NLGN1: variants seen among roughly 807,000 people sequenced by gnomAD.
NLGN1 encodes neuroligin-1.
In NLGN1, 12 loss-of-function variants were observed where a neutral mutation model predicts 65.5. The observed-to-expected ratio is 0.18, with a 90% CI of 0.12 to 0.30. NLGN1 has a LOEUF of 0.30. Among genes scored for constraint, NLGN1 ranks in the 10% least tolerant of loss-of-function variants. NLGN1 has a pLI of 1.00. For missense variants in NLGN1, 750 were observed against 1,007.1 expected (o/e 0.74, Z 3.46); for synonymous variants, 350 against 359.5 (o/e 0.97, Z 0.30).
At chr3:173,747,801 CTTTTTTTTTTTT>C (rs749749824) in intron 3 of NLGN1, among the ~76,000 whole-genome samples, 8 of 64,426 alleles carry the variant, frequency 1.2e-4, no homozygotes, top group South Asian at 5.2e-4. Flanking sequence ...TCTTCTTGTT[CTTTTTTTTTTTT>C]TTTTTTTTTT....
chr3:173,845,048 T>C (rs915399849), intron 4 of NLGN1, among the ~76,000 whole-genome samples: 13 of 152,220 alleles, frequency 8.5e-5, no homozygotes, highest in African/African-American at 2.2e-4. Flanking sequence ...GACCACTGGA[T>C]TAGGTGAAAA....
chr3:173,438,460 T>C (rs191349440), intron 2 of NLGN1, among the ~76,000 whole-genome samples: 101 of 152,260 alleles, frequency 6.6e-4, no homozygotes, highest in African/African-American at 2.1e-3. Flanking sequence ...TGATCCAGAA[T>C]TTCTTCCCTG....
Position 173,633,574 on chromosome 3 carries a change from T to C in NLGN1, c.493+28483T>C, listed in dbSNP as rs115624534. On this transcript the variant is annotated intron_variant, in intron 3 of 6. Transcript: ENST00000457714. ...CCCTATGGAAAGAACCTCAGAAATATCTAATTCAAACATTTTACCATAGCA... is the reference window on the plus strand; with the variant it reads ...CCCTATGGAAAGAACCTCAGAAATACCTAATTCAAACATTTTACCATAGCA... Among the ~76,000 whole-genome samples the C allele has an allele frequency of 6.4e-3, 970 of 152,244 alleles. 14 individuals carry two copies. The highest frequency in any genetic ancestry group is 0.022 in the African/African-American group (924 of 41,556).
At chr3:174,050,862 G>T (rs1305342208) in intron 4 of NLGN1, among the ~76,000 whole-genome samples, 1 of 152,022 alleles carries the variant, frequency 6.6e-6, no homozygotes, top group Non-Finnish European at 1.5e-5. Flanking sequence ...TTCTCTGAGG[G>T]CAAGAAGTAT....
chr3:173,914,312 G>A (rs1740275181), intron 4 of NLGN1, among the ~76,000 whole-genome samples: 1 of 152,082 alleles, frequency 6.6e-6, no homozygotes, highest in South Asian at 2.1e-4. Flanking sequence ...CTTCTTCAAA[G>A]GGTTTAGGCT....
chr3:174,270,295 T>C (rs1471898166), intron 4 of NLGN1, among the ~76,000 whole-genome samples: 1 of 151,542 alleles, frequency 6.6e-6, no homozygotes, highest in Non-Finnish European at 1.5e-5. Flanking sequence ...TAGTTTTGGG[T>C]TTTTTCATTT....
intron 3 of NLGN1, among the ~76,000 whole-genome samples, chr3:173,708,889 T>A (rs1249196550): frequency 6.6e-6 from 1 of 152,242 alleles, no homozygotes; most frequent in Non-Finnish European, 1.5e-5. Context: ...AAAGTAAAGC[T>A]GTATTTTAAA....
chr3:174,179,058 A>G (rs1729935126), intron 4 of NLGN1, among the ~76,000 whole-genome samples: 1 of 152,128 alleles, frequency 6.6e-6, no homozygotes, highest in Non-Finnish European at 1.5e-5. Flanking sequence ...TGATAATCAT[A>G]TTGATGAGCC....
chr3:173,613,314 A>T (rs1376800588), intron 3 of NLGN1, among the ~76,000 whole-genome samples: 2 of 151,912 alleles, frequency 1.3e-5, no homozygotes, highest in African/African-American at 4.8e-5. Flanking sequence ...GAGTACTGAG[A>T]CTCCTATTCA....
At chr3:174,217,768 A>G (rs1228393678) in intron 4 of NLGN1, among the ~76,000 whole-genome samples, 1 of 151,944 alleles carries the variant, frequency 6.6e-6, no homozygotes, top group Non-Finnish European at 1.5e-5. Flanking sequence ...GGGTGAAGGC[A>G]CCTAGAATGA....
At chr3:174,089,685 T>G (rs1371743753) in intron 4 of NLGN1, among the ~76,000 whole-genome samples, 2 of 152,146 alleles carry the variant, frequency 1.3e-5, no homozygotes, top group Non-Finnish European at 2.9e-5. Flanking sequence ...AGACTTCTAT[T>G]CTTATTATGA....
intron 2 of NLGN1, among the ~76,000 whole-genome samples, chr3:173,481,187 A>G (rs1022339787): frequency 1.9e-4 from 29 of 152,026 alleles, no homozygotes; most frequent in African/African-American, 6.8e-4. Flanking sequence ...TTTTAGAGAG[A>G]TTATTTACAC....
chr3:173,820,542 C>G (rs1354084862), intron 4 of NLGN1, among the ~76,000 whole-genome samples: 1 of 152,056 alleles, frequency 6.6e-6, no homozygotes, highest in Non-Finnish European at 1.5e-5. Flanking sequence ...TAGTACAGAA[C>G]CTTAAGTAAA....
rs538860955 is a variant in NLGN1 at position 173,598,491 on chromosome 3, G to A, written c.-320-5788G>A. Among the ~76,000 whole-genome samples, 88 of 152,200 alleles carry A rather than the reference G, an allele frequency of 5.8e-4. 1 individual carries two copies. Among genetic ancestry groups the A allele is most frequent in the Admixed American group, 4.7e-3 (71 of 15,264 alleles). ...GAGATCTCTGCCCCAAAATACCACC[G>A]GTTTAATTTTCTTGTGAATGAATTT... On this transcript the variant is annotated intron_variant, in intron 2 of 6. Coordinates refer to ENST00000457714, the Ensembl canonical transcript of NLGN1.
At chr3:173,972,863 C>T (rs1173759199) in intron 4 of NLGN1, among the ~76,000 whole-genome samples, 1 of 152,126 alleles carries the variant, frequency 6.6e-6, no homozygotes, top group Non-Finnish European at 1.5e-5. Flanking sequence ...CTCAACCAGA[C>T]TTCCTGAATC....
chr3:174,275,774 A>ACTCTT (rs1561454202), intron 5 of NLGN1, among the ~76,000 whole-genome samples: 1 of 151,750 alleles, frequency 6.6e-6, no homozygotes, highest in Non-Finnish European at 1.5e-5. Context: ...CATTACAGTT[A>ACTCTT]CTCTTCTTTC....
intron 4 of NLGN1, among the ~76,000 whole-genome samples, chr3:174,026,871 T>G (rs1464544918): frequency 6.6e-6 from 1 of 152,188 alleles, no homozygotes; most frequent in Non-Finnish European, 1.5e-5. Flanking sequence ...ATTCTCTTTT[T>G]ATATTGCATA....
intron 3 of NLGN1, among the ~76,000 whole-genome samples, chr3:173,672,107 G>C (rs1317547053): frequency 6.6e-6 from 1 of 152,190 alleles, no homozygotes; most frequent in Non-Finnish European, 1.5e-5. Flanking sequence ...CCAGGAGATA[G>C]AGCTTGCAGT....
At chr3:174,181,370 A>T (rs1730382241) in intron 4 of NLGN1, among the ~76,000 whole-genome samples, 1 of 152,068 alleles carries the variant, frequency 6.6e-6, no homozygotes, top group South Asian at 2.1e-4. Context: ...GTCTTCTGAG[A>T]AGCATTGTCC....
Sources: allele counts gnomAD v4.1 joint callset (sites outside exome capture counted in the v4.1 genomes callset), GRCh38; gene constraint gnomAD v4.1.1; transcripts MANE v1.5; gene names NCBI Gene and HGNC (gene_info 2026-07-23, HGNC 2026-07-21).